Variants in GNA11 observed in about 807,000 individuals in gnomAD.
GNA11 encodes G protein subunit alpha 11.
Under a neutral mutation model 38.2 loss-of-function variants are expected in GNA11, and 8 were observed. The observed-to-expected ratio is 0.21, with a 90% CI of 0.12 to 0.38. The LOEUF is 0.38. GNA11 is among the 10% of genes least tolerant of loss of function. The pLI is 1.00. For synonymous variants in GNA11, 211 were observed against 221.4 expected (o/e 0.95, Z 0.42); for missense variants, 268 against 516.3 (o/e 0.52, Z 4.66).
chr19:3,121,514 C>T lies in GNA11; in HGVS notation c.*335C>T. 4.1e-6 allele frequency: 1 copy of T among 245,762 alleles called. No individual in the cohort carries two copies. Among genetic ancestry groups the T allele is most frequent in the East Asian group, 5.9e-5 (1 of 16,868 alleles). The allele number at this position is 245,762 out of a possible 1,614,324, so 15.2% of individuals were successfully genotyped here. On this transcript the variant is annotated 3_prime_UTR_variant, in exon 7 of 7. Coordinates refer to ENST00000078429, the MANE Select transcript of GNA11 (RefSeq NM_002067.5). ...AACGAAACATAAAACACACAAGCGC[C>T]CCGTGCCCCCAGTGACTCTGGGCCT...
At position 3,094,726 on chromosome 19, in the gene GNA11, C is replaced by T; in HGVS notation, c.75C>T (p.Ile25=). 1.9e-6 allele frequency: 3 copies of T among 1,591,206 alleles called. No homozygotes were observed. Among genetic ancestry groups the T allele is most frequent in the Non-Finnish European group, 2.6e-6 (3 of 1,170,650 alleles). The part of the protein sequence containing the change: ...VKESKRINAE[I]EKQLRRDKRD... Reference sequence around the variant, plus strand: ...AGTCCAAGCGGATCAACGCCGAGATCGAGAAGCAGCTGCGGCGGGACAAGC... The same window carrying T: ...AGTCCAAGCGGATCAACGCCGAGATTGAGAAGCAGCTGCGGCGGGACAAGC... Residue 25 remains isoleucine (I), a synonymous_variant, in exon 1 of 7, where the codon ATC becomes ATT. Coordinates refer to ENST00000078429, the MANE Select transcript of GNA11 (RefSeq NM_002067.5). This position sits in a 1 kb window ranked among gnomAD's most constrained non-coding sequence, Gnocchi z 6.0.
In GNA11 at chr19:3,108,324, C is replaced by T. The variant is rs1301461450; in HGVS notation, c.137-1825C>T. On this transcript the variant is annotated intron_variant, in intron 1 of 6. Coordinates refer to ENST00000078429, the MANE Select transcript of GNA11 (RefSeq NM_002067.5). This position sits in a 1 kb window ranked among gnomAD's most constrained non-coding sequence, Gnocchi z 4.5. ...GCAGCAAGGAAGGTTCCAGAAAGTA[C>T]CGGAGGGAGAGTTGTGTTGGGGCTT... 1.3e-5 allele frequency among the ~76,000 whole-genome samples: 2 copies of T among 152,148 alleles called. No individual in the cohort carries two copies. Among genetic ancestry groups the T allele is most frequent in the Non-Finnish European group, 2.9e-5 (2 of 68,030 alleles).
At position 3,119,336 on chromosome 19, in the gene GNA11, T is replaced by C; in HGVS notation, c.866T>C (p.Val289Ala). 3 of 1,613,662 alleles carry C rather than the reference T, an allele frequency of 1.9e-6. No homozygotes were observed. The highest frequency in any genetic ancestry group is 2.5e-6 in the Non-Finnish European group (3 of 1,179,914). Residue 289 changes from valine to alanine, a missense_variant, in exon 6 of 7, where the codon GTG (valine) becomes GCG (alanine). Transcript: ENST00000078429. This position sits in a 1 kb window ranked among gnomAD's most constrained non-coding sequence, Gnocchi z 4.6. ...LEDKILYSHL[V>A]DYFPEFDGPQ... ...GACAAGATCCTGTACTCGCACCTGG[T>C]GGACTACTTCCCCGAGTTCGATGGT... is the stretch of plus-strand genomic sequence containing the variant.
Position 3,110,628 on chromosome 19 carries a change from G to A in GNA11, c.321+295G>A, listed in dbSNP as rs566123484. ...GAAGCTGAGGCCCTGGGGAAGCTGA[G>A]GCCCTGTGAGGTGAGCCACTCGCCC... is the stretch of plus-strand genomic sequence containing the variant. On this transcript the variant is annotated intron_variant, in intron 2 of 6. Transcript: ENST00000078429. This position sits in a 1 kb window ranked among gnomAD's most constrained non-coding sequence, Gnocchi z 5.4. Among the ~76,000 whole-genome samples the A allele has an allele frequency of 2.6e-5, 4 of 152,200 alleles. No individual in the cohort carries two copies. Among genetic ancestry groups the A allele is most frequent in the Admixed American group, 2.0e-4 (3 of 15,284 alleles).
chr19:3,121,647 C>G lies in GNA11; in HGVS notation c.*468C>G, dbSNP rs368010562. On this transcript the variant is annotated 3_prime_UTR_variant, in exon 7 of 7. Coordinates refer to ENST00000078429, the MANE Select transcript of GNA11 (RefSeq NM_002067.5). ...TTCCAACCCCACGTGCTTTTTCTTT[C>G]TCCTGCCCGCTTCTTTTCTTCATCA... is the stretch of plus-strand genomic sequence containing the variant. 1.8e-4 allele frequency: 43 copies of G among 232,898 alleles called. No homozygotes were observed. Among genetic ancestry groups the G allele is most frequent in the African/African-American group, 9.0e-4 (41 of 45,360 alleles). The allele number at this position is 232,898 out of a possible 1,614,324, so 14.4% of individuals were successfully genotyped here. A position where few individuals can be genotyped will look rare whatever the true frequency, so the allele number is the denominator to read the frequency against.
chr19:3,119,398 G>A lies in GNA11; in HGVS notation c.889+39G>A. 6.3e-7 allele frequency: 1 copy of A among 1,593,282 alleles called. No individual in the cohort carries two copies. Among genetic ancestry groups the A allele is most frequent in the Non-Finnish European group, 8.6e-7 (1 of 1,166,530 alleles). Reference sequence around the variant, plus strand: ...CGGCATGGGGAGGGGCTCGCGGGCAGGGCCTTACTGGGGGGAGGGGGCTGA... The same window carrying A: ...CGGCATGGGGAGGGGCTCGCGGGCAAGGCCTTACTGGGGGGAGGGGGCTGA... On this transcript the variant is annotated intron_variant, in intron 6 of 6. Transcript: ENST00000078429. This position sits in a 1 kb window ranked among gnomAD's most constrained non-coding sequence, Gnocchi z 4.6.
chr19:3,113,337 C>A lies in GNA11; in HGVS notation c.329C>A (p.Ala110Glu), dbSNP rs759791665. ...CCCTGCCCGCCCTCGCAGGCCAATG[C>A]GCTCCTGATCCGGGAGGTGGACGTG... ...LYKYEQNKAN[A>E]LLIREVDVEK... is the part of the protein sequence containing the mutation. The change falls in exon 3 of 7, where the codon GCG (alanine) becomes GAG (glutamate). Residue 110 changes from alanine (A) to glutamate (E), a missense_variant. Transcript: ENST00000078429. 1 of 1,613,188 alleles carries A rather than the reference C, an allele frequency of 6.2e-7. No homozygotes were observed. The highest frequency in any genetic ancestry group is 8.5e-7 in the Non-Finnish European group (1 of 1,179,802).
At chr19:3,114,827 G>A (rs1913866318) in intron 3 of GNA11, 117 bp from the exon 4 acceptor site, 2 of 978,994 alleles carry the variant, frequency 2.0e-6, no homozygotes, top group Non-Finnish European at 3.1e-6. Flanking sequence ...AGGTGGCGCA[G>A]TGCGCGGTCC....
At position 3,119,127 on chromosome 19, in the gene GNA11, C is replaced by T; in HGVS notation, c.735+74C>T. The T allele has an allele frequency of 6.2e-7, 1 of 1,603,656 alleles. No homozygotes were observed. Among genetic ancestry groups the T allele is most frequent in the Non-Finnish European group, 8.5e-7 (1 of 1,171,708 alleles). ...ACCTGCCAAGCCTGGGTCCCCTCAC[C>T]TGGGTCCCCCCAGCTGCCCCTTGGG... On this transcript the variant is annotated intron_variant, in intron 5 of 6. Coordinates refer to ENST00000078429, the MANE Select transcript of GNA11 (RefSeq NM_002067.5). This position sits in a 1 kb window ranked among gnomAD's most constrained non-coding sequence, Gnocchi z 4.6.
At chr19:3,113,525 TGCGGGCCG>T in intron 3 of GNA11, 41 bp downstream of exon 3, 1 of 1,405,122 alleles carries the variant, frequency 7.1e-7, no homozygotes, top group South Asian at 1.5e-5. Context: ...GGACGGCAGC[TGCGGGCCG>T]GTGCCTGGGA....
At position 3,113,332 on chromosome 19, in the gene GNA11, CA is replaced by C; in HGVS notation, c.326del (p.Asn109MetfsTer4). ...GTCTCCCCTGCCCGCCCTCGCAGGC[CA>C]ATGCGCTCCTGATCCGGGAGGTGGA... Reference protein sequence around the residue: ...ILYKYEQNKANALLIREVDVE... With the variant: ...ILYKYEQNKAXALLIREVDVE... On this transcript the variant is annotated frameshift_variant, in exon 3 of 7. Transcript: ENST00000078429. LOFTEE classifies it high-confidence loss of function. 6.2e-7 allele frequency: 1 copy of C among 1,613,160 alleles called. No individual in the cohort carries two copies. Among genetic ancestry groups the C allele is most frequent in the Non-Finnish European group, 8.5e-7 (1 of 1,179,804 alleles).
At position 3,115,082 on chromosome 19, in the gene GNA11, G is replaced by A. The variant is rs535105766; in HGVS notation, c.605+10G>A. 66 of 1,605,584 alleles carry A rather than the reference G, an allele frequency of 4.1e-5. No homozygotes were observed. Among genetic ancestry groups the A allele is most frequent in the Middle Eastern group, 3.3e-4 (2 of 6,048 alleles). On this transcript the variant is annotated intron_variant, in intron 4 of 6. Transcript: ENST00000078429. ...AGAACATCATCTTCCGGTACCGCCC[G>A]GGCCACAGCAGGCGGGGAGGGGGCA...
intron 2 of GNA11, among the ~76,000 whole-genome samples, chr19:3,112,748 C>T (rs975759877): frequency 6.6e-5 from 10 of 152,330 alleles, no homozygotes; most frequent in South Asian, 2.1e-4. Context: ...TCCTTAGCAC[C>T]GGGTGTGGTA....
Position 3,110,050 on chromosome 19 carries a change from T to C in GNA11, c.137-99T>C. 1.1e-6 allele frequency: 1 copy of C among 944,266 alleles called. No individual in the cohort carries two copies. 58.5% of individuals were successfully genotyped at this position (944,266 alleles called of 1,614,324 possible). A position where few individuals can be genotyped will look rare whatever the true frequency, so the allele number is the denominator to read the frequency against. On this transcript the variant is annotated intron_variant, in intron 1 of 6. Transcript: ENST00000078429. The surrounding 1 kb of genome is among the most constrained non-coding windows in gnomAD (Gnocchi z 5.4). ...CAGCCTCACGTGCCTTGGTTTCCTGTGCTGGGTGCTGCAGCACGGCAGGGT... is the reference window on the plus strand; with the variant it reads ...CAGCCTCACGTGCCTTGGTTTCCTGCGCTGGGTGCTGCAGCACGGCAGGGT...
At chr19:3,099,819 C>T (rs1200108109) in intron 1 of GNA11, among the ~76,000 whole-genome samples, 1 of 152,224 alleles carries the variant, frequency 6.6e-6, no homozygotes, top group Non-Finnish European at 1.5e-5. Flanking sequence ...GGTCTTCGGG[C>T]CACCTGCAGG....
intron 1 of GNA11, among the ~76,000 whole-genome samples, chr19:3,099,194 G>A (rs888642396): frequency 1.3e-5 from 2 of 152,200 alleles, no homozygotes; most frequent in Middle Eastern, 3.4e-3. Context: ...GGAGTCGGAC[G>A]GATCTTAGAG....
At chr19:3,114,271 C>T (rs1043392964) in intron 3 of GNA11, among the ~76,000 whole-genome samples, 1 of 152,194 alleles carries the variant, frequency 6.6e-6, no homozygotes, top group Non-Finnish European at 1.5e-5. Flanking sequence ...ACAACCCCCA[C>T]CCCAGGCAGA....
At chr19:3,115,718 G>GAA in intron 4 of GNA11, among the ~76,000 whole-genome samples, 2 of 150,116 alleles carry the variant, frequency 1.3e-5, no homozygotes, top group Admixed American at 6.6e-5. Flanking sequence ...GGCTGCCAGG[G>GAA]GAGGGGGCTC....
chr19:3,109,279 C>A (rs1913707611), intron 1 of GNA11, among the ~76,000 whole-genome samples: 1 of 152,156 alleles, frequency 6.6e-6, no homozygotes, highest in Admixed American at 6.6e-5. Flanking sequence ...GAGTGAGGAC[C>A]CCCATGTCAC....
Sources: allele counts gnomAD v4.1 joint callset (sites outside exome capture counted in the v4.1 genomes callset), GRCh38; gene constraint gnomAD v4.1.1; non-coding constraint Gnocchi (gnomAD v3.1); transcripts MANE v1.5; gene names NCBI Gene and HGNC (gene_info 2026-07-23, HGNC 2026-07-21).